CD68: variants seen among roughly 807,000 people sequenced by gnomAD.
The protein encoded by CD68 is macrosialin.
In CD68, 24 loss-of-function variants were observed where a neutral mutation model predicts 31.3. The ratio of observed to expected loss-of-function variants is 0.77; its 90% CI spans 0.55 to 1.08. The LOEUF (loss-of-function observed/expected upper bound fraction) is 1.08, where lower values mean the gene tolerates loss of function less well. CD68 is among the 50% of genes least tolerant of loss of function. The pLI is 0.00. For synonymous variants in CD68, 190 were observed against 179.6 expected (o/e 1.06, Z -0.46); for missense variants, 461 against 442.5 (o/e 1.04, Z -0.38).
chr17:7,580,004 A>G lies in CD68; in HGVS notation c.244A>G (p.Thr82Ala), dbSNP rs868491715. 1 of 1,608,658 alleles carries G rather than the reference A, an allele frequency of 6.2e-7. No individual in the cohort carries two copies. The highest frequency in any genetic ancestry group is 8.5e-7 in the Non-Finnish European group (1 of 1,175,794). The change falls in exon 2 of 6, where the codon ACC becomes GCC. Residue 82 changes from threonine to alanine, a missense_variant. Transcript: ENST00000250092. The surrounding 1 kb of genome is among the most constrained non-coding windows in gnomAD (Gnocchi z 4.3). ...ACCCACGACTGCCACTCACAACCCC[A>G]CCACCACCAGCCATGGAAACGTCAC... ...HGPTTATHNP[T>A]TTSHGNVTVH...
chr17:7,581,104 C>T lies in CD68; in HGVS notation c.931+38C>T, dbSNP rs776927607. 27 of 1,568,994 alleles carry T rather than the reference C, an allele frequency of 1.7e-5. No homozygotes were observed. In the East Asian group the frequency reaches 4.9e-4, roughly 29 times the overall value. ...TACTCCTTCCCTCCTAGAATCCTCCCACTGCACTGAAAACCCCTTCCCCAG... is the reference window on the plus strand; with the variant it reads ...TACTCCTTCCCTCCTAGAATCCTCCTACTGCACTGAAAACCCCTTCCCCAG... On this transcript the variant is annotated intron_variant, in intron 5 of 5. Coordinates refer to ENST00000250092, the MANE Select transcript of CD68 (RefSeq NM_001251.3).
chr17:7,580,090 TCCTGCCAC>T lies in CD68; in HGVS notation c.332_339del (p.Pro111HisfsTer2). The T allele has an allele frequency of 1.9e-6, 3 of 1,613,680 alleles. No homozygotes were observed. The highest frequency in any genetic ancestry group is 2.5e-6 in the Non-Finnish European group (3 of 1,179,906). On this transcript the variant is annotated frameshift_variant, in exon 2 of 6. Coordinates refer to ENST00000250092, the MANE Select transcript of CD68 (RefSeq NM_001251.3). LOFTEE classifies it high-confidence loss of function. The surrounding 1 kb of genome is among the most constrained non-coding windows in gnomAD (Gnocchi z 4.3). The stretch of plus-strand genomic sequence containing the variant: ...AGGGACCCTCAACTGCCACTCACAG[TCCTGCCAC>T]CACTAGTCATGGAAATGCCACGGTT...
chr17:7,580,128 C>A lies in CD68; in HGVS notation c.368C>A (p.Pro123Gln), dbSNP rs759067768. Reference protein sequence around the residue: ...TTSHGNATVHPTSNSTATSPG... With the variant: ...TTSHGNATVHQTSNSTATSPG... Reference sequence around the variant, plus strand: ...AGTCATGGAAATGCCACGGTTCATCCAACAAGCAACAGCACTGCCACCAGC... The same window carrying A: ...AGTCATGGAAATGCCACGGTTCATCAAACAAGCAACAGCACTGCCACCAGC... Residue 123 changes from proline to glutamine, a missense_variant, in exon 2 of 6, where the codon CCA (proline) becomes CAA (glutamine). Transcript: ENST00000250092. This position sits in a 1 kb window ranked among gnomAD's most constrained non-coding sequence, Gnocchi z 4.3. The A allele has an allele frequency of 6.2e-7, 1 of 1,614,156 alleles. No individual in the cohort carries two copies. The highest frequency in any genetic ancestry group is 1.1e-5 in the South Asian group (1 of 91,070).
intron 5 of CD68, 150 bp from the exon 6 acceptor site, chr17:7,581,228 C>CT (rs2071481021): frequency 8.5e-7 from 1 of 1,177,384 alleles, no homozygotes; most frequent in Non-Finnish European, 1.2e-6. Flanking sequence ...CTACAAGACT[C>CT]TGCCAGTTTC....
At position 7,581,725 on chromosome 17, in the gene CD68, C is replaced by T. The variant is rs1021763438; in HGVS notation, c.*214C>T. On this transcript the variant is annotated 3_prime_UTR_variant, in exon 6 of 6. Transcript: ENST00000250092. ...TCACTGGAGGTCAGGAGTTTGAGACCAGCCTGGCCAACATGGTGAAACCCT... is the reference window on the plus strand; with the variant it reads ...TCACTGGAGGTCAGGAGTTTGAGACTAGCCTGGCCAACATGGTGAAACCCT... The T allele has an allele frequency of 2.9e-5, 15 of 525,980 alleles. No individual in the cohort carries two copies. In the African/African-American group the frequency reaches 2.9e-4, roughly 10 times the overall value. 32.6% of individuals were successfully genotyped at this position (525,980 alleles called of 1,614,324 possible).
At position 7,580,725 on chromosome 17, in the gene CD68, G is replaced by T. The variant is rs1360218818; in HGVS notation, c.702G>T (p.Lys234Asn). The T allele has an allele frequency of 1.9e-6, 3 of 1,614,054 alleles. No individual in the cohort carries two copies. The highest frequency in any genetic ancestry group is 2.2e-5 in the South Asian group (2 of 91,080). ...TCGCCCCACAGGACCTCCAGCAGAA[G>T]GTTGTCTACCTGAGCTACATGGCGG... ...SFGFMQDLQQ[K>N]VVYLSYMAVE... Residue 234 changes from lysine (K) to asparagine (N), a missense_variant, in exon 4 of 6, where the codon AAG becomes AAT. Lys to Asn is a moderately conservative substitution (Grantham distance 94, BLOSUM62 0). Coordinates refer to ENST00000250092, the MANE Select transcript of CD68 (RefSeq NM_001251.3). The surrounding 1 kb of genome is among the most constrained non-coding windows in gnomAD (Gnocchi z 4.3).
In CD68 at chr17:7,580,461, C is replaced by T. The variant is rs200679369; in HGVS notation, c.568-5C>T. The T allele has an allele frequency of 6.8e-5, 109 of 1,613,950 alleles. No homozygotes were observed. The East Asian group carries it at 1.0e-3, about 15-fold the overall frequency. Reference sequence around the variant, plus strand: ...TTGTGACCTTCCAGTCTTTAACTTCCGCAGGCCTGGGGCATCTCTGTACTG... The same window carrying T: ...TTGTGACCTTCCAGTCTTTAACTTCTGCAGGCCTGGGGCATCTCTGTACTG... On this transcript the variant is annotated splice_polypyrimidine_tract_variant and splice_region_variant and intron_variant, in intron 2 of 5. Transcript: ENST00000250092. The surrounding 1 kb of genome is among the most constrained non-coding windows in gnomAD (Gnocchi z 4.3).
Position 7,581,077 on chromosome 17 carries a change from C to G in CD68, c.931+11C>G. The G allele has an allele frequency of 2.5e-6, 4 of 1,608,908 alleles. No homozygotes were observed. The highest frequency in any genetic ancestry group is 2.6e-6 in the Non-Finnish European group (3 of 1,176,432). ...GGGTCTTTGGGCAAAGTAAGACCTA[C>G]CTACTCCTTCCCTCCTAGAATCCTC... On this transcript the variant is annotated intron_variant, in intron 5 of 5. Coordinates refer to ENST00000250092, the MANE Select transcript of CD68 (RefSeq NM_001251.3).
chr17:7,580,641 C>T lies in CD68; in HGVS notation c.687+56C>T. ...CTCAGCCTCCCGGCGCCCCTCCCCT[C>T]CCAATCCCACACGCTACTCCTTCCT... On this transcript the variant is annotated intron_variant, in intron 3 of 5. Coordinates refer to ENST00000250092, the MANE Select transcript of CD68 (RefSeq NM_001251.3). This position sits in a 1 kb window ranked among gnomAD's most constrained non-coding sequence, Gnocchi z 4.3. The T allele has an allele frequency of 1.9e-6, 3 of 1,613,766 alleles. No homozygotes were observed. Among genetic ancestry groups the T allele is most frequent in the Non-Finnish European group, 2.5e-6 (3 of 1,179,806 alleles).
In CD68 at chr17:7,580,870, G is replaced by A; in HGVS notation, c.761-26G>A. On this transcript the variant is annotated intron_variant, in intron 4 of 5. Coordinates refer to ENST00000250092, the MANE Select transcript of CD68 (RefSeq NM_001251.3). The surrounding 1 kb of genome is among the most constrained non-coding windows in gnomAD (Gnocchi z 4.3). The stretch of plus-strand genomic sequence containing the variant: ...AAGCTGGGGCCAGGGAGGTGGATAG[G>A]ATCTGACCCTTCCTCACTCCTCCAG... The A allele has an allele frequency of 1.2e-6, 2 of 1,613,922 alleles. No individual in the cohort carries two copies. The highest frequency in any genetic ancestry group is 1.7e-6 in the Non-Finnish European group (2 of 1,179,916).
At position 7,581,734 on chromosome 17, in the gene CD68, CA is replaced by C. The variant is rs2071488044; in HGVS notation, c.*225del. 4 of 506,782 alleles carry C rather than the reference CA, an allele frequency of 7.9e-6. No homozygotes were observed. Among genetic ancestry groups the C allele is most frequent in the South Asian group, 6.4e-5 (3 of 47,232 alleles). The allele number at this position is 506,782 out of a possible 1,614,324, so 31.4% of individuals were successfully genotyped here. A position where few individuals can be genotyped will look rare whatever the true frequency, so the allele number is the denominator to read the frequency against. ...GTCAGGAGTTTGAGACCAGCCTGGC[CA>C]ACATGGTGAAACCCTGTCTCTACTA... On this transcript the variant is annotated 3_prime_UTR_variant, in exon 6 of 6. Coordinates refer to ENST00000250092, the MANE Select transcript of CD68 (RefSeq NM_001251.3).
Position 7,581,569 on chromosome 17 carries a change from T to A in CD68, c.*58T>A. 1 of 1,562,234 alleles carries A rather than the reference T, an allele frequency of 6.4e-7. No individual in the cohort carries two copies. Among genetic ancestry groups the A allele is most frequent in the Middle Eastern group, 1.7e-4 (1 of 5,948 alleles). The stretch of plus-strand genomic sequence containing the variant: ...GTTGGGGTGTGGTGGGGGGGTACCC[T>A]TATTTCCTCGACACGCAACTGGCTC... On this transcript the variant is annotated 3_prime_UTR_variant, in exon 6 of 6. Coordinates refer to ENST00000250092, the MANE Select transcript of CD68 (RefSeq NM_001251.3).
rs1818451080 is a variant in CD68 at position 7,580,453 on chromosome 17, T to TTG, written c.568-12_568-11insGT. The TTG allele has an allele frequency of 6.2e-7, 1 of 1,613,912 alleles. No homozygotes were observed. The highest frequency in any genetic ancestry group is 1.3e-5 in the African/African-American group (1 of 74,990). On this transcript the variant is annotated splice_polypyrimidine_tract_variant and intron_variant, in intron 2 of 5. Transcript: ENST00000250092. This position sits in a 1 kb window ranked among gnomAD's most constrained non-coding sequence, Gnocchi z 4.3. Reference sequence around the variant, plus strand: ...ATGCAGTCTTGTGACCTTCCAGTCTTTAACTTCCGCAGGCCTGGGGCATCT... The same window carrying TTG: ...ATGCAGTCTTGTGACCTTCCAGTCTTTGTAACTTCCGCAGGCCTGGGGCATCT...
intron 5 of CD68, 150 bp from the exon 6 acceptor site, chr17:7,581,228 C>G: frequency 8.5e-7 from 1 of 1,177,504 alleles, no homozygotes; most frequent in South Asian, 1.4e-5. Context: ...CTACAAGACT[C>G]TGCCAGTTTC....
rs62059825 is a variant in CD68 at position 7,580,049 on chromosome 17, A to G, written c.289A>G (p.Ser97Gly). ...GNVTVHPTSN[S>G]TATSQGPSTA... ...CGTCACAGTTCATCCAACAAGCAAT[A>G]GCACTGCCACCAGCCAGGGACCCTC... Residue 97 changes from serine (S) to glycine (G), a missense_variant, in exon 2 of 6, where the codon AGC becomes GGC. Transcript: ENST00000250092. This position sits in a 1 kb window ranked among gnomAD's most constrained non-coding sequence, Gnocchi z 4.3. The G allele has an allele frequency of 6.2e-7, 1 of 1,613,952 alleles. No homozygotes were observed. The highest frequency in any genetic ancestry group is 2.2e-5 in the East Asian group (1 of 44,872).
Position 7,579,996 on chromosome 17 carries a change from A to T in CD68, c.236A>T (p.His79Leu), listed in dbSNP as rs769042427. The T allele has an allele frequency of 6.2e-7, 1 of 1,609,046 alleles. No individual in the cohort carries two copies. The highest frequency in any genetic ancestry group is 1.7e-5 in the Admixed American group (1 of 59,960). The change falls in exon 2 of 6, where the codon CAC becomes CTC. Residue 79 changes from histidine (H) to leucine (L), a missense_variant. His to Leu is a moderately conservative substitution (Grantham distance 99). Transcript: ENST00000250092. The part of the protein sequence containing the change: ...TTSHGPTTAT[H>L]NPTTTSHGNV... ...AGCCACGGACCCACGACTGCCACTC[A>T]CAACCCCACCACCACCAGCCATGGA...
chr17:7,580,009 C>T lies in CD68; in HGVS notation c.249C>T (p.Thr83=). The change falls in exon 2 of 6, where the codon ACC becomes ACT. Residue 83 remains threonine, a synonymous_variant. Transcript: ENST00000250092. This position sits in a 1 kb window ranked among gnomAD's most constrained non-coding sequence, Gnocchi z 4.3. Reference sequence around the variant, plus strand: ...CGACTGCCACTCACAACCCCACCACCACCAGCCATGGAAACGTCACAGTTC... The same window carrying T: ...CGACTGCCACTCACAACCCCACCACTACCAGCCATGGAAACGTCACAGTTC... ...GPTTATHNPT[T]TSHGNVTVHP... is the part of the protein sequence containing the mutation. The T allele has an allele frequency of 6.2e-7, 1 of 1,609,286 alleles. No homozygotes were observed. The highest frequency in any genetic ancestry group is 8.5e-7 in the Non-Finnish European group (1 of 1,175,976).
Position 7,579,827 on chromosome 17 carries a change from G to C in CD68, c.67G>C (p.Asp23His). The C allele has an allele frequency of 1.2e-6, 2 of 1,613,762 alleles. No homozygotes were observed. Among genetic ancestry groups the C allele is most frequent in the Non-Finnish European group, 1.7e-6 (2 of 1,179,864 alleles). ...GCCAAAAGCCCAGGGGACAGGGAATGACTGTCCTCACAAAAAATCAGCTAC... is the reference window on the plus strand; with the variant it reads ...GCCAAAAGCCCAGGGGACAGGGAATCACTGTCCTCACAAAAAATCAGCTAC... ...GLLAAQGTGN[D>H]CPHKKSATLL... Residue 23 changes from aspartate (D) to histidine (H), a missense_variant, in exon 2 of 6, where the codon GAC becomes CAC. By Grantham distance (81) the Asp-to-His change is moderately conservative. Transcript: ENST00000250092.
rs776414308 is a variant in CD68, at chr17:7,580,784, G to T, written c.760+1G>T. 3 of 1,614,036 alleles carry T rather than the reference G, an allele frequency of 1.9e-6. No individual in the cohort carries two copies. Among genetic ancestry groups the T allele is most frequent in the Non-Finnish European group, 2.5e-6 (3 of 1,179,980 alleles). On this transcript the variant is annotated splice_donor_variant, in intron 4 of 5. Transcript: ENST00000250092. LOFTEE classifies it high-confidence loss of function. This position sits in a 1 kb window ranked among gnomAD's most constrained non-coding sequence, Gnocchi z 4.3. ...AATGTGTCCTTCCCCCACGCAGCAC[G>T]TAAGTAACCTCCTTCCCTTTCTCAT...
Sources: gnomAD v4.1 joint callset for allele counts on GRCh38, gnomAD v4.1.1 for gene constraint, Gnocchi (gnomAD v3.1) non-coding constraint, MANE v1.5 for transcripts, NCBI Gene and HGNC (gene_info 2026-07-23, HGNC 2026-07-21) for gene names.